The following GAS7 variants were observed in gnomAD, a reference collection of about 807,000 sequenced individuals.
GAS7 encodes growth arrest-specific protein 7.
Under a neutral mutation model 71.1 loss-of-function variants are expected in GAS7, and 28 were observed. The observed-to-expected ratio is 0.39, with a 90% confidence interval of 0.29 to 0.54. The LOEUF is 0.54. Ranked by LOEUF, GAS7 falls within the 20% of genes least tolerant of loss-of-function variation. The probability of loss-of-function intolerance (pLI) is 0.62; values close to 1 mark genes in which losing one functional copy is unlikely to be tolerated. For synonymous variants in GAS7, 258 were observed against 245.8 expected (o/e 1.05, Z -0.46); for missense variants, 436 against 627.8 (o/e 0.69, Z 3.27).
At chr17:9,917,371 T>C (rs527256273) in intron 13 of GAS7, 30 bp from the exon 14 acceptor site, 2 of 1,503,088 alleles carry the variant, frequency 1.3e-6, no homozygotes, top group African/African-American at 1.4e-5. Context: ...TGCGACACTG[T>C]TAGAGACGGC....
At chr17:10,122,020 A>G (rs1409876879) in intron 1 of GAS7, among the ~76,000 whole-genome samples, 1 of 152,132 alleles carries the variant, frequency 6.6e-6, no homozygotes, top group African/African-American at 2.4e-5. Flanking sequence ...CACAATCCGA[A>G]GGCCAGCCAT....
chr17:9,944,887 GC>G (rs1405333179), intron 6 of GAS7, among the ~76,000 whole-genome samples: 7 of 152,230 alleles, frequency 4.6e-5, no homozygotes, highest in Non-Finnish European at 7.3e-5. Context: ...GGGAAAACCA[GC>G]CAGAAGAAAC....
At chr17:9,972,184 C>A (rs2069997859) in intron 3 of GAS7, among the ~76,000 whole-genome samples, 1 of 152,216 alleles carries the variant, frequency 6.6e-6, no homozygotes, top group Admixed American at 6.5e-5. Context: ...CAAGCCTGGG[C>A]CACACCCACA....
chr17:9,929,201 C>T (rs900601468), intron 9 of GAS7, among the ~76,000 whole-genome samples: 8 of 152,282 alleles, frequency 5.3e-5, no homozygotes, highest in Admixed American at 2.6e-4. Flanking sequence ...TCAGAAACTC[C>T]GGGGTCTCTA....
At position 9,916,957 on chromosome 17, in the gene GAS7, CTGTT is replaced by C. The variant is rs1022153054; in HGVS notation, c.*267_*270del. The C allele has an allele frequency of 6.8e-5, 36 of 529,734 alleles. No individual in the cohort carries two copies. The highest frequency in any genetic ancestry group is 5.8e-4 in the African/African-American group (31 of 53,244). The allele number at this position is 529,734 out of a possible 1,614,324, so 32.8% of individuals were successfully genotyped here. Reference sequence around the variant, plus strand: ...GGCAAGGACCACAAAGTTCCAGCCTCTGTTTGTTTCAGAGCGGCAAGCACAGCAT... The same window carrying C: ...GGCAAGGACCACAAAGTTCCAGCCTCTGTTTCAGAGCGGCAAGCACAGCAT... On this transcript the variant is annotated 3_prime_UTR_variant, in exon 14 of 14. Transcript: ENST00000432992.
chr17:9,991,788 A>C (rs1050055359), intron 2 of GAS7, among the ~76,000 whole-genome samples: 2 of 152,056 alleles, frequency 1.3e-5, no homozygotes, highest in African/African-American at 4.8e-5. Context: ...AATGTTGGAG[A>C]AATATGTCTT....
intron 9 of GAS7, among the ~76,000 whole-genome samples, chr17:9,933,745 T>C (rs2152083058): frequency 6.6e-6 from 1 of 152,268 alleles, no homozygotes; most frequent in Non-Finnish European, 1.5e-5. Flanking sequence ...CTTGGGAGGC[T>C]GAGGTGGGAG....
intron 1 of GAS7, among the ~76,000 whole-genome samples, chr17:10,160,620 C>T (rs1038106981): frequency 6.6e-6 from 1 of 152,194 alleles, no homozygotes; most frequent in African/African-American, 2.4e-5. Flanking sequence ...TGGGCTCACC[C>T]TTGCCACCAG....
At chr17:10,140,316 G>A (rs1007853119) in intron 1 of GAS7, among the ~76,000 whole-genome samples, 5 of 152,106 alleles carry the variant, frequency 3.3e-5, no homozygotes, top group African/African-American at 9.7e-5. Context: ...TTAAAAATTC[G>A]CCAGGCATGG....
chr17:10,165,291 C>CAAAAAAAA (rs71365731), intron 1 of GAS7, among the ~76,000 whole-genome samples: 1 of 77,642 alleles, frequency 1.3e-5, no homozygotes, highest in Non-Finnish European at 2.6e-5. Flanking sequence ...GATTCCTTCT[C>CAAAAAAAA]AAAAAAAAAA....
chr17:9,947,212 G>C (rs1380891277), intron 5 of GAS7, among the ~76,000 whole-genome samples: 1 of 152,162 alleles, frequency 6.6e-6, no homozygotes, highest in Non-Finnish European at 1.5e-5. Flanking sequence ...CAGTTTACTA[G>C]GATCAAAATT....
At chr17:10,004,266 G>A (rs2071382598) in intron 2 of GAS7, among the ~76,000 whole-genome samples, 1 of 152,172 alleles carries the variant, frequency 6.6e-6, no homozygotes, top group Admixed American at 6.5e-5. Context: ...TTAGAGCCCA[G>A]CACAGGGAAG....
chr17:10,044,495 A>C (rs1042908987), intron 1 of GAS7, among the ~76,000 whole-genome samples: 4 of 152,234 alleles, frequency 2.6e-5, no homozygotes, highest in African/African-American at 4.8e-5. Context: ...TTGTGTGGGT[A>C]AAATTTTAAA....
At chr17:10,005,145 GCATGCATGCATGTGTGTGCGCA>G in intron 2 of GAS7, among the ~76,000 whole-genome samples, 1 of 36,616 alleles carries the variant, frequency 2.7e-5, no homozygotes, top group Non-Finnish European at 6.3e-5. Flanking sequence ...GTGCGCGCAC[GCATGCATGCATGTGTGTGCGCA>G]CGCATGCATG....
chr17:10,150,646 T>C (rs2074158685), intron 1 of GAS7, among the ~76,000 whole-genome samples: 1 of 141,000 alleles, frequency 7.1e-6, no homozygotes, highest in Non-Finnish European at 1.5e-5. Context: ...TGGAGTGCAG[T>C]GGCACGATCT....
At chr17:10,058,025 T>C (rs1031573458) in intron 1 of GAS7, among the ~76,000 whole-genome samples, 3 of 152,198 alleles carry the variant, frequency 2.0e-5, no homozygotes, top group Non-Finnish European at 4.4e-5. Context: ...AAGATGTGCT[T>C]TGTTAAACAG....
intron 7 of GAS7, 110 bp from the exon 8 acceptor site, chr17:9,940,310 C>T (rs2068556518): frequency 1.3e-6 from 1 of 780,366 alleles, no homozygotes; most frequent in African/African-American, 1.7e-5. Context: ...AGACCATAAG[C>T]TCTGAGACCA....
chr17:10,179,612 C>G (rs2074399328), intron 1 of GAS7, among the ~76,000 whole-genome samples: 1 of 152,052 alleles, frequency 6.6e-6, no homozygotes, highest in Non-Finnish European at 1.5e-5. Flanking sequence ...AGTTTGTGGT[C>G]CAAATACACT....
intron 1 of GAS7, among the ~76,000 whole-genome samples, chr17:10,091,776 G>A (rs2073584931): frequency 6.6e-6 from 1 of 152,026 alleles, no homozygotes; most frequent in South Asian, 2.1e-4. Context: ...CGACCTCCTG[G>A]ACTCAAGTGA....
Sources: gnomAD v4.1 joint callset for allele counts (sites outside exome capture counted in the v4.1 genomes callset) on GRCh38, gnomAD v4.1.1 for gene constraint, MANE v1.5 for transcripts, NCBI Gene and HGNC (gene_info 2026-07-23, HGNC 2026-07-21) for gene names.